The following TNIP3 variants were observed in gnomAD, a reference collection of about 807,000 sequenced individuals.
The protein encoded by TNIP3 is TNFAIP3-interacting protein 3.
TNIP3 carries 34 observed loss-of-function variants against 54.1 expected under a neutral mutation model. That is an observed-to-expected ratio of 0.63 (90% CI 0.48 to 0.84). TNIP3 has a LOEUF of 0.84. Among genes scored for constraint, TNIP3 ranks in the 40% least tolerant of loss-of-function variants. The pLI is 0.00. For missense variants in TNIP3, 366 were observed against 387.6 expected (o/e 0.94, Z 0.47); for synonymous variants, 134 against 136.8 (o/e 0.98, Z 0.14).
At chr4:121,184,490 T>C (rs1410829677) in intron 2 of TNIP3, among the ~76,000 whole-genome samples, 3 of 152,200 alleles carry the variant, frequency 2.0e-5, no homozygotes, top group Admixed American at 2.0e-4. Flanking sequence ...TGGAGTGAGC[T>C]GAGAATGAAT....
intron 1 of TNIP3, among the ~76,000 whole-genome samples, chr4:121,226,365 A>T (rs1448684110): frequency 6.6e-6 from 1 of 152,266 alleles, no homozygotes; most frequent in Non-Finnish European, 1.5e-5. Flanking sequence ...TCTGATATAA[A>T]AAATACACTA....
chr4:121,170,891 CT>C (rs1365344366), intron 3 of TNIP3, among the ~76,000 whole-genome samples: 3 of 152,132 alleles, frequency 2.0e-5, no homozygotes, highest in Admixed American at 6.5e-5. Context: ...TCTCAGCTCA[CT>C]GCAATCTCTG....
chr4:121,196,660 A>T (rs1725603667), intron 2 of TNIP3, among the ~76,000 whole-genome samples: 1 of 152,102 alleles, frequency 6.6e-6, no homozygotes, highest in East Asian at 1.9e-4. Context: ...AATACCAAAG[A>T]TAACTATAAA....
chr4:121,187,126 T>C (rs1047115279), intron 2 of TNIP3, among the ~76,000 whole-genome samples: 1 of 152,172 alleles, frequency 6.6e-6, no homozygotes, highest in South Asian at 2.1e-4. Flanking sequence ...TTTCTTGAGA[T>C]CACTTAATAA....
intron 3 of TNIP3, among the ~76,000 whole-genome samples, chr4:121,177,228 TA>T (rs1724412504): frequency 1.3e-5 from 2 of 152,250 alleles, no homozygotes; most frequent in Non-Finnish European, 2.9e-5. Flanking sequence ...CTTGGTTATA[TA>T]TAACTTTCAT....
chr4:121,134,172 A>G (rs1374078573), intron 10 of TNIP3, among the ~76,000 whole-genome samples: 5 of 152,214 alleles, frequency 3.3e-5, no homozygotes, highest in African/African-American at 9.6e-5. Context: ...TTCACAACAC[A>G]GTTTCACATC....
intron 3 of TNIP3, 150 bp from the exon 4 acceptor site, chr4:121,157,393 G>A: frequency 1.1e-6 from 1 of 947,848 alleles, no homozygotes; most frequent in Non-Finnish European, 1.6e-6. Flanking sequence ...CCCGAACACA[G>A]ATCGGGATAC....
At chr4:121,165,987 A>G (rs1730746847), upstream of TNIP3, among the ~76,000 whole-genome samples, 1 of 152,222 alleles carries the variant, frequency 6.6e-6, no homozygotes, top group South Asian at 2.1e-4. Flanking sequence ...CCATAGTTTT[A>G]TATAGTGTAA....
At chr4:121,162,056 T>G (rs368897138) in intron 1 of TNIP3, among the ~76,000 whole-genome samples, 197 of 152,336 alleles carry the variant, frequency 1.3e-3, no homozygotes, top group African/African-American at 4.5e-3. Context: ...ACATCTGTAA[T>G]CTGTTTCAGG....
At chr4:121,171,443 G>C (rs141411997) in intron 3 of TNIP3, among the ~76,000 whole-genome samples, 1 of 152,246 alleles carries the variant, frequency 6.6e-6, no homozygotes, top group African/African-American at 2.4e-5. Flanking sequence ...GGGTATATGT[G>C]TATACCATAC....
At chr4:121,202,093 C>T (rs1725924006) in intron 2 of TNIP3, among the ~76,000 whole-genome samples, 1 of 152,050 alleles carries the variant, frequency 6.6e-6, no homozygotes, top group African/African-American at 2.4e-5. Context: ...AAAGAGCCCA[C>T]ACAGCCAAAG....
chr4:121,215,998 C>T (rs1726771886), intron 2 of TNIP3, among the ~76,000 whole-genome samples: 1 of 151,550 alleles, frequency 6.6e-6, no homozygotes. Flanking sequence ...TCATAAGGAA[C>T]TCAGTAAACT....
intron 1 of TNIP3, chr4:121,216,583 C>T: frequency 2.0e-6 from 3 of 1,510,708 alleles, no homozygotes; most frequent in Non-Finnish European, 1.8e-6. Context: ...AGGAGAAAAC[C>T]ACCTGTTAAA....
At chr4:121,138,740 T>C in intron 9 of TNIP3, 56 bp from the exon 10 acceptor site, 3 of 1,485,314 alleles carry the variant, frequency 2.0e-6, no homozygotes, top group Non-Finnish European at 2.8e-6. Flanking sequence ...TATAGTGGCA[T>C]GTCAAAAATA....
Position 121,132,530 on chromosome 4 carries a change from A to G in TNIP3, c.*101T>C. On this transcript the variant is annotated 3_prime_UTR_variant, in exon 11 of 11. Transcript: ENST00000057513. ...CCAGGCACAAATAACAGGGTAGATG[A>G]TGTGCCTTTGTGGCAGAAACAAGCC... 1 of 1,097,988 alleles carries G rather than the reference A, an allele frequency of 9.1e-7. No homozygotes were observed. The allele number at this position is 1,097,988 out of a possible 1,614,324, so 68.0% of individuals were successfully genotyped here. A position where few individuals can be genotyped will look rare whatever the true frequency, so the allele number is the denominator to read the frequency against.
chr4:121,200,844 C>G (rs1485511622), intron 2 of TNIP3, among the ~76,000 whole-genome samples: 2 of 152,150 alleles, frequency 1.3e-5, no homozygotes, highest in African/African-American at 2.4e-5. Flanking sequence ...TGTTCAGGCT[C>G]TGTTAAGAGA....
At position 121,164,130 on chromosome 4, in the gene TNIP3, G is replaced by A. The variant is rs1292860425; in HGVS notation, c.-5C>T. On this transcript the variant is annotated 5_prime_UTR_variant, in exon 1 of 11. Transcript: ENST00000057513. ...GCCCTGTACAAAATGTGCCATGGAA[G>A]CTGTTTTTCCTGGAGTCTTGGAAAG... 2 of 1,613,610 alleles carry A rather than the reference G, an allele frequency of 1.2e-6. No individual in the cohort carries two copies. The highest frequency in any genetic ancestry group is 2.7e-5 in the African/African-American group (2 of 74,894).
At chr4:121,133,587 G>C (rs1380171304) in intron 10 of TNIP3, among the ~76,000 whole-genome samples, 9 of 152,148 alleles carry the variant, frequency 5.9e-5, no homozygotes, top group Admixed American at 4.6e-4. Flanking sequence ...AATTTGTACA[G>C]TGCTCTTGTG....
chr4:121,137,291 A>G (rs1728843935), intron 10 of TNIP3, among the ~76,000 whole-genome samples: 1 of 152,206 alleles, frequency 6.6e-6, no homozygotes, highest in African/African-American at 2.4e-5. Flanking sequence ...TTATACCATA[A>G]TAGATTTTAA....
Sources: allele counts gnomAD v4.1 joint callset (sites outside exome capture counted in the v4.1 genomes callset), GRCh38; gene constraint gnomAD v4.1.1; transcripts MANE v1.5; gene names NCBI Gene and HGNC (gene_info 2026-07-23, HGNC 2026-07-21).